The following KMT2D variants were observed in gnomAD, a reference collection of about 807,000 sequenced individuals.
The protein encoded by KMT2D is lysine methyltransferase 2D, also known as histone-lysine N-methyltransferase 2D.
In KMT2D, 55 loss-of-function variants were observed where a neutral mutation model predicts 512.7. The ratio of observed to expected loss-of-function variants is 0.11; its 90% CI spans 0.09 to 0.13. The LOEUF is 0.13. Ranked by LOEUF, KMT2D falls within the 10% of genes least tolerant of loss-of-function variation. KMT2D has a pLI of 1.00. For missense variants in KMT2D, 6,061 were observed against 7,127.9 expected, an observed-to-expected ratio of 0.85 and a Z score of 5.39; for synonymous variants, 2,995 against 2,904.0, an observed-to-expected ratio of 1.03 and a Z score of -1.01.
Position 49,028,271 on chromosome 12 carries a change from A to G in KMT2D, c.14383-130T>C. 3.6e-6 allele frequency: 4 copies of G among 1,120,662 alleles called. No individual in the cohort carries two copies. The South Asian group carries it at 6.0e-5, about 17-fold the overall frequency. 69.4% of individuals were successfully genotyped at this position (1,120,662 alleles called of 1,614,324 possible). Reference sequence around the variant, plus strand: ...AGGGTAGTTCTATCCTATGTCACCCAGCTCTTTTCATACACTTCCCTCACA... The same window carrying G: ...AGGGTAGTTCTATCCTATGTCACCCGGCTCTTTTCATACACTTCCCTCACA... On this transcript the variant is annotated intron_variant, in intron 46 of 54. Transcript: ENST00000301067.
At chr12:49,049,052 G>A (rs1157241549) in intron 13 of KMT2D, 53 bp downstream of exon 13, 5 of 1,139,218 alleles carry the variant, frequency 4.4e-6, no homozygotes, top group South Asian at 1.3e-5. Flanking sequence ...GCAGGACTCA[G>A]AGGGTGCTAA....
rs1301564645 is a variant in KMT2D at position 49,060,746 on chromosome 12, G to T, written c.-1171C>A. On this transcript the variant is annotated 5_prime_UTR_variant, in exon 1 of 55. Coordinates refer to ENST00000301067, the MANE Select transcript of KMT2D (RefSeq NM_003482.4). ...TTGCCCGGGGCACCCCACTCGAGAG[G>T]GGGAGAAAGGAGAAGAGGCGGCCCT... Among the ~76,000 whole-genome samples the T allele has an allele frequency of 6.6e-6, 1 of 152,270 alleles. No homozygotes were observed. Among genetic ancestry groups the T allele is most frequent in the Non-Finnish European group, 1.5e-5 (1 of 68,050 alleles).
Position 49,040,743 on chromosome 12 carries a change from G to A in KMT2D, c.7027C>T (p.Pro2343Ser), listed in dbSNP as rs752299331. Residue 2343 changes from proline (P) to serine (S), a missense_variant, in exon 32 of 55, where the codon CCG becomes TCG. Physicochemically the swap from Pro to Ser is moderately conservative, Grantham distance 74. Around this residue, in one of 16 missense-constraint regions of KMT2D, gnomAD observed 710 missense variants for 647.3 expected, o/e 1.10. Transcript: ENST00000301067. Reference protein sequence around the residue: ...PRASQVEPQSPGLGLRPQEPP... With the variant: ...PRASQVEPQSSGLGLRPQEPP... ...TCCTGGGGCCTTAGGCCCAAGCCCG[G>A]GCTCTGGGGCTCTACCTGAGATGCC... 6.2e-7 allele frequency: 1 copy of A among 1,613,536 alleles called. No homozygotes were observed. Among genetic ancestry groups the A allele is most frequent in the Non-Finnish European group, 8.5e-7 (1 of 1,179,724 alleles).
rs760061955 is a variant in KMT2D, at chr12:49,051,312, G to C, written c.2371C>G (p.Gln791Glu). The stretch of plus-strand genomic sequence containing the variant: ...GGGGACAGATGTGGTCCCTCAGCCT[G>C]GGGGGACAAGTGTGGCTCCTCAGGC... ...AVPEEPHLSPQAEGPHLSPQP... is the reference protein window; with the variant it reads ...AVPEEPHLSPEAEGPHLSPQP... Residue 791 changes from glutamine to glutamate, a missense_variant, in exon 11 of 55, where the codon CAG becomes GAG. Transcript: ENST00000301067. The C allele has an allele frequency of 4.4e-6, 7 of 1,586,246 alleles. No individual in the cohort carries two copies. The South Asian group carries it at 7.9e-5, about 18-fold the overall frequency.
rs2137706225 is a variant in KMT2D at position 49,022,605 on chromosome 12, T to A, written c.16323A>T (p.Lys5441Asn). The change falls in exon 52 of 55, where the codon AAA becomes AAT. Residue 5441 changes from lysine to asparagine, a missense_variant. Coordinates refer to ENST00000301067, the MANE Select transcript of KMT2D (RefSeq NM_003482.4). The surrounding 1 kb of genome is among the most constrained non-coding windows in gnomAD (Gnocchi z 8.6). ...CAGCTCATACCTGCTCTTCGTAGATTTTCTCCCGCCGGTTGGCCACCTCGT... is the reference window on the plus strand; with the variant it reads ...CAGCTCATACCTGCTCTTCGTAGATATTCTCCCGCCGGTTGGCCACCTCGT... ...IRNEVANRRE[K>N]IYEEQNRGIY... is the part of the protein sequence containing the mutation. 1 of 1,613,718 alleles carries A rather than the reference T, an allele frequency of 6.2e-7. No individual in the cohort carries two copies. Among genetic ancestry groups the A allele is most frequent in the Admixed American group, 1.7e-5 (1 of 60,018 alleles).
Position 49,052,318 on chromosome 12 carries a change from T to C in KMT2D, c.1365A>G (p.Glu455=), listed in dbSNP as rs141231056. Residue 455 remains glutamate (E), a synonymous_variant, in exon 11 of 55, where the codon GAA becomes GAG. Coordinates refer to ENST00000301067, the MANE Select transcript of KMT2D (RefSeq NM_003482.4). ...EESPLSPPPE[E]SPTSPPPEAS... Reference sequence around the variant, plus strand: ...CCTCAGGTGGTGGGGACGTGGGTGATTCCTCAGGTGGTGGGGACAGGGGTG... The same window carrying C: ...CCTCAGGTGGTGGGGACGTGGGTGACTCCTCAGGTGGTGGGGACAGGGGTG... 456 of 1,569,252 alleles carry C rather than the reference T, an allele frequency of 2.9e-4. 3 individuals are homozygous for C. The East Asian group carries it at 9.4e-3, about 32-fold the overall frequency.
Position 49,046,382 on chromosome 12 carries a change from G to A in KMT2D, c.4461C>T (p.Phe1487=), listed in dbSNP as rs774911362. 4 of 1,613,846 alleles carry A rather than the reference G, an allele frequency of 2.5e-6. No homozygotes were observed. The highest frequency in any genetic ancestry group is 3.4e-6 in the Non-Finnish European group (4 of 1,179,908). The change falls in exon 17 of 55, where the codon TTC becomes TTT. Residue 1487 remains phenylalanine, a synonymous_variant. Coordinates refer to ENST00000301067, the MANE Select transcript of KMT2D (RefSeq NM_003482.4). This position sits in a 1 kb window ranked among gnomAD's most constrained non-coding sequence, Gnocchi z 4.2. Reference sequence around the variant, plus strand: ...TGTAACTATTCTGCCATTCACAGTGGAAGCCAGGGGAAGCAGCCCCACACT... The same window carrying A: ...TGTAACTATTCTGCCATTCACAGTGAAAGCCAGGGGAAGCAGCCCCACACT... ...CMQCGAASPG[F]HCEWQNSYTH... is the part of the protein sequence containing the mutation.
chr12:49,043,527 C>T, intron 24 of KMT2D, 99 bp from the exon 25 acceptor site: 1 of 1,587,924 alleles, frequency 6.3e-7, no homozygotes, highest in Non-Finnish European at 8.6e-7. Context: ...ACCCTTGACC[C>T]CACCCTTGAC....
In KMT2D at chr12:49,021,582, G is replaced by A. The variant is rs907275069; in HGVS notation, c.*198C>T. ...TGCCAGCCTGAGGGCCGGTGGTGGGGAAGAGGATTGTCCCTGGTGCCCAGG... is the reference window on the plus strand; with the variant it reads ...TGCCAGCCTGAGGGCCGGTGGTGGGAAAGAGGATTGTCCCTGGTGCCCAGG... On this transcript the variant is annotated 3_prime_UTR_variant, in exon 55 of 55. Transcript: ENST00000301067. 13 of 567,528 alleles carry A rather than the reference G, an allele frequency of 2.3e-5. No homozygotes were observed. Among genetic ancestry groups the A allele is most frequent in the African/African-American group, 3.8e-5 (2 of 53,184 alleles). The allele number at this position is 567,528 out of a possible 1,614,324, so 35.2% of individuals were successfully genotyped here.
In KMT2D at chr12:49,042,531, T is replaced by C. The variant is rs773541240; in HGVS notation, c.5867+30A>G. ...GATGGAGGGAAAGGACAACGAGGACTGCCCACAAAGGTTACGCAGAGACAC... is the reference window on the plus strand; with the variant it reads ...GATGGAGGGAAAGGACAACGAGGACCGCCCACAAAGGTTACGCAGAGACAC... On this transcript the variant is annotated intron_variant, in intron 28 of 54. Coordinates refer to ENST00000301067, the MANE Select transcript of KMT2D (RefSeq NM_003482.4). This position sits in a 1 kb window ranked among gnomAD's most constrained non-coding sequence, Gnocchi z 4.4. 83 of 1,607,954 alleles carry C rather than the reference T, an allele frequency of 5.2e-5. No individual in the cohort carries two copies. Among genetic ancestry groups the C allele is most frequent in the Non-Finnish European group, 6.1e-5 (72 of 1,175,620 alleles).
Position 49,039,096 on chromosome 12 carries a change from G to A in KMT2D, c.8367-107C>T. 1 of 1,522,672 alleles carries A rather than the reference G, an allele frequency of 6.6e-7. No homozygotes were observed. The highest frequency in any genetic ancestry group is 9.1e-7 in the Non-Finnish European group (1 of 1,103,862). 94.3% of individuals were successfully genotyped at this position (1,522,672 alleles called of 1,614,324 possible). A position where few individuals can be genotyped will look rare whatever the true frequency, so the allele number is the denominator to read the frequency against. On this transcript the variant is annotated intron_variant, in intron 34 of 54. Transcript: ENST00000301067. This position sits in a 1 kb window ranked among gnomAD's most constrained non-coding sequence, Gnocchi z 5.0. ...AGAATTAATGCAGTGAGGGAGAAAAGGAATGAGGAAGAAGAGAAAGTGATA... is the reference window on the plus strand; with the variant it reads ...AGAATTAATGCAGTGAGGGAGAAAAAGAATGAGGAAGAAGAGAAAGTGATA...
chr12:49,039,492 G>T lies in KMT2D; in HGVS notation c.8172C>A (p.Pro2724=), dbSNP rs1166863830. ...TCAGCTGCTCAAAGGCAGGGCTGCT[G>T]GGCTCAGCACCCCAGCTGCCTGGAG... ...VGPPGSWGAE[P]SSPAFEQLSR... The change falls in exon 33 of 55, where the codon CCC becomes CCA. Residue 2724 remains proline, a synonymous_variant. Coordinates refer to ENST00000301067, the MANE Select transcript of KMT2D (RefSeq NM_003482.4). This position sits in a 1 kb window ranked among gnomAD's most constrained non-coding sequence, Gnocchi z 5.0. The T allele has an allele frequency of 1.9e-6, 3 of 1,611,002 alleles. No homozygotes were observed. In the East Asian group the frequency reaches 6.7e-5, roughly 36 times the overall value.
In KMT2D at chr12:49,042,239, G is replaced by A; in HGVS notation, c.5959C>T (p.Pro1987Ser). ...CCGTCGCCCTCACCCTCCGTGGTGG[G>A]GGTTGTGGGGGTGGAGGGCGTGGTG... The part of the protein sequence containing the change: ...GGTTPSTPTT[P>S]TTEGEGDGLS... The change falls in exon 29 of 55, where the codon CCC (proline) becomes TCC (serine). Residue 1987 changes from proline (P) to serine (S), a missense_variant. Pro to Ser is a moderately conservative substitution (Grantham distance 74). Around this residue, in one of 16 missense-constraint regions of KMT2D, gnomAD observed 640 missense variants for 814.3 expected, o/e 0.79. Transcript: ENST00000301067. This position sits in a 1 kb window ranked among gnomAD's most constrained non-coding sequence, Gnocchi z 4.4. 1 of 1,590,238 alleles carries A rather than the reference G, an allele frequency of 6.3e-7. No homozygotes were observed. Among genetic ancestry groups the A allele is most frequent in the Non-Finnish European group, 8.6e-7 (1 of 1,168,660 alleles).
Position 49,044,562 on chromosome 12 carries a change from T to G in KMT2D, c.4964-40A>C. On this transcript the variant is annotated intron_variant, in intron 20 of 54. Transcript: ENST00000301067. This position sits in a 1 kb window ranked among gnomAD's most constrained non-coding sequence, Gnocchi z 6.4. ...AGAAGAGATGGAGGCAAATCAGAAC[T>G]ATAGGCCCTTTTAACCTTGTCATCC... The G allele has an allele frequency of 1.2e-6, 2 of 1,607,208 alleles. No homozygotes were observed. The highest frequency in any genetic ancestry group is 4.5e-5 in the East Asian group (2 of 44,804).
In KMT2D at chr12:49,051,750, A is replaced by C. The variant is rs1592156249; in HGVS notation, c.1933T>G (p.Ser645Ala). Residue 645 changes from serine to alanine, a missense_variant, in exon 11 of 55, where the codon TCC becomes GCC. Physicochemically the swap from Ser to Ala is moderately conservative, Grantham distance 99 (BLOSUM62 1). Transcript: ENST00000301067. Reference sequence around the variant, plus strand: ...AGGCGCGATACCTCAGGTGGGGGGGACATAGGTGATTCTTCAGGTGGTGGG... The same window carrying C: ...AGGCGCGATACCTCAGGTGGGGGGGCCATAGGTGATTCTTCAGGTGGTGGG... ...MSPPPEESPM[S>A]PPPEVSRLSP... 2 of 1,527,846 alleles carry C rather than the reference A, an allele frequency of 1.3e-6. No homozygotes were observed. The highest frequency in any genetic ancestry group is 1.8e-6 in the Non-Finnish European group (2 of 1,111,616). 94.6% of individuals were successfully genotyped at this position (1,527,846 alleles called of 1,614,324 possible).
rs2120734357 is a variant in KMT2D, at chr12:49,060,432, A to C, written c.-857T>G. Among the ~76,000 whole-genome samples the C allele has an allele frequency of 6.6e-6, 1 of 151,874 alleles. No individual in the cohort carries two copies. Among genetic ancestry groups the C allele is most frequent in the Non-Finnish European group, 1.5e-5 (1 of 67,886 alleles). ...GGCCTGGCCGGCTCTGGTCGGTGGC[A>C]CCCCCTCGACCCCCGGCTGACTGTG... is the stretch of plus-strand genomic sequence containing the variant. On this transcript the variant is annotated 5_prime_UTR_variant, in exon 1 of 55. Transcript: ENST00000301067.
chr12:49,053,076 A>C lies in KMT2D; in HGVS notation c.955-4T>G. 1 of 1,614,022 alleles carries C rather than the reference A, an allele frequency of 6.2e-7. No individual in the cohort carries two copies. Among genetic ancestry groups the C allele is most frequent in the Non-Finnish European group, 8.5e-7 (1 of 1,179,868 alleles). On this transcript the variant is annotated splice_polypyrimidine_tract_variant and splice_region_variant and intron_variant, in intron 8 of 54. Transcript: ENST00000301067. ...AGGCCCGGCACACCCGGCACGCCTA[A>C]GGGAAGGGAGTGGGCAAAACAGGCA...
chr12:49,042,290 C>T lies in KMT2D; in HGVS notation c.5908G>A (p.Asp1970Asn), dbSNP rs565881981. 31 of 1,559,678 alleles carry T rather than the reference C, an allele frequency of 2.0e-5. No individual in the cohort carries two copies. The highest frequency in any genetic ancestry group is 2.4e-5 in the Non-Finnish European group (28 of 1,151,192). ...CCACCTGAGCCCGTCCAGGGGCTGTCGGGCTCACCGGGTTCCGGGCTAAAG... is the reference window on the plus strand; with the variant it reads ...CCACCTGAGCCCGTCCAGGGGCTGTTGGGCTCACCGGGTTCCGGGCTAAAG... ...GFFSPEPGEP[D>N]SPWTGSGGTT... is the part of the protein sequence containing the mutation. The change falls in exon 29 of 55, where the codon GAC becomes AAC. Residue 1970 changes from aspartate (D) to asparagine (N), a missense_variant. Asp to Asn is a conservative substitution (Grantham distance 23). Around this residue, in one of 16 missense-constraint regions of KMT2D, gnomAD observed 640 missense variants for 814.3 expected, o/e 0.79. Coordinates refer to ENST00000301067, the MANE Select transcript of KMT2D (RefSeq NM_003482.4). The surrounding 1 kb of genome is among the most constrained non-coding windows in gnomAD (Gnocchi z 4.4).
chr12:49,028,231 T>C, intron 46 of KMT2D, 90 bp from the exon 47 acceptor site: 1 of 1,491,770 alleles, frequency 6.7e-7, no homozygotes. Context: ...CAAGGACACC[T>C]AGAACCCACT....
Sources: gnomAD v4.1 joint callset for allele counts (sites outside exome capture counted in the v4.1 genomes callset) on GRCh38, gnomAD v4.1.1 for gene constraint, gnomAD v4.1.1 regional missense constraint, Gnocchi (gnomAD v3.1) non-coding constraint, MANE v1.5 for transcripts, NCBI Gene and HGNC (gene_info 2026-07-23, HGNC 2026-07-21) for gene names.